ADAMTS3: variants seen among roughly 807,000 people sequenced by gnomAD.
The protein encoded by ADAMTS3 is A disintegrin and metalloproteinase with thrombospondin motifs 3.
Under a neutral mutation model 129.0 loss-of-function variants are expected in ADAMTS3, and 73 were observed. That is an observed-to-expected ratio of 0.57 (90% CI 0.47 to 0.69). The LOEUF is 0.69. ADAMTS3 is among the 30% of genes least tolerant of loss of function. The probability of loss-of-function intolerance (pLI) is 0.00; values close to 1 mark genes in which losing one functional copy is unlikely to be tolerated. For synonymous variants in ADAMTS3, 477 were observed against 510.8 expected, an observed-to-expected ratio of 0.93 and a Z score of 0.89; for missense variants, 1,457 against 1,514.5, an observed-to-expected ratio of 0.96 and a Z score of 0.63.
intron 3 of ADAMTS3, among the ~76,000 whole-genome samples, chr4:72,428,910 A>G (rs1221077841): frequency 1.3e-5 from 2 of 152,058 alleles, no homozygotes; most frequent in African/African-American, 4.8e-5. Context: ...TAAATAATTT[A>G]AAAGATGATT....
intron 3 of ADAMTS3, among the ~76,000 whole-genome samples, chr4:72,438,521 ATC>A (rs1718029708): frequency 6.6e-6 from 1 of 151,856 alleles, no homozygotes; most frequent in South Asian, 2.1e-4. Flanking sequence ...ATTTTTATAA[ATC>A]TCTTTCTGTC....
intron 4 of ADAMTS3, among the ~76,000 whole-genome samples, chr4:72,394,488 G>A (rs914337349): frequency 6.6e-6 from 1 of 152,138 alleles, no homozygotes; most frequent in South Asian, 2.1e-4. Flanking sequence ...TGTCTCTTGC[G>A]TGAATTCTGA....
At chr4:72,429,361 C>T (rs1722643009) in intron 3 of ADAMTS3, among the ~76,000 whole-genome samples, 1 of 151,950 alleles carries the variant, frequency 6.6e-6, no homozygotes, top group South Asian at 2.1e-4. Flanking sequence ...GGTGTCTTAA[C>T]AGATATTTTA....
At position 72,283,391 on chromosome 4, in the gene ADAMTS3, G is replaced by A; in HGVS notation, c.3363C>T (p.Asn1121=). ...GTAAATTAGCACCATCAGGTTTACT[G>A]TTTGGCCTGAAAGCAGCATATGCAT... The part of the protein sequence containing the change: ...GPNAYAAFRP[N]SKPDGANLRQ... The change falls in exon 22 of 22, where the codon AAC becomes AAT. Residue 1121 remains asparagine, a synonymous_variant. Transcript: ENST00000286657. The A allele has an allele frequency of 6.2e-7, 1 of 1,613,794 alleles. No individual in the cohort carries two copies. Among genetic ancestry groups the A allele is most frequent in the South Asian group, 1.1e-5 (1 of 91,072 alleles).
chr4:72,518,239 G>T (rs904102626), intron 3 of ADAMTS3, among the ~76,000 whole-genome samples: 1 of 152,196 alleles, frequency 6.6e-6, no homozygotes, highest in Non-Finnish European at 1.5e-5. Flanking sequence ...CATTTGCTGA[G>T]GAGACCTTTA....
intron 3 of ADAMTS3, among the ~76,000 whole-genome samples, chr4:72,527,430 G>A (rs1456094611): frequency 6.6e-6 from 1 of 152,070 alleles, no homozygotes; most frequent in African/African-American, 2.4e-5. Context: ...TAACCTCATG[G>A]GGCAAATACT....
intron 3 of ADAMTS3, among the ~76,000 whole-genome samples, chr4:72,449,787 G>T (rs147495915): frequency 6.6e-6 from 1 of 151,658 alleles, no homozygotes; most frequent in African/African-American, 2.4e-5. Context: ...CCACTCCATT[G>T]CTCACTCACT....
At chr4:72,512,406 C>T (rs570796942) in intron 3 of ADAMTS3, among the ~76,000 whole-genome samples, 8 of 152,154 alleles carry the variant, frequency 5.3e-5, no homozygotes, top group Admixed American at 6.5e-5. Flanking sequence ...GCAGAAGAAT[C>T]GCTTGAACCC....
At chr4:72,523,572 A>G (rs2109746294) in intron 3 of ADAMTS3, among the ~76,000 whole-genome samples, 1 of 152,242 alleles carries the variant, frequency 6.6e-6, no homozygotes, top group Admixed American at 6.5e-5. Context: ...CATTTTAATT[A>G]AGATTAAAAA....
intron 3 of ADAMTS3, among the ~76,000 whole-genome samples, chr4:72,541,151 C>T (rs1721313631): frequency 6.6e-6 from 1 of 152,172 alleles, no homozygotes; most frequent in Admixed American, 6.5e-5. Context: ...CTGCCCAAGA[C>T]CATGGGAACC....
chr4:72,476,388 A>C (rs1414932123), intron 3 of ADAMTS3, among the ~76,000 whole-genome samples: 1 of 152,118 alleles, frequency 6.6e-6, no homozygotes, highest in Non-Finnish European at 1.5e-5. Context: ...CTACTTCCCC[A>C]AAAAACATAA....
At chr4:72,502,023 CT>C (rs746273217) in intron 3 of ADAMTS3, among the ~76,000 whole-genome samples, 1 of 151,954 alleles carries the variant, frequency 6.6e-6, no homozygotes, top group South Asian at 2.1e-4. Context: ...CTAGTATTTC[CT>C]TTTCAAGATT....
intron 3 of ADAMTS3, among the ~76,000 whole-genome samples, chr4:72,493,603 T>C (rs1206440985): frequency 6.6e-6 from 1 of 152,092 alleles, no homozygotes; most frequent in Non-Finnish European, 1.5e-5. Context: ...TATGTGTTAA[T>C]ATTAAAAGTA....
intron 2 of ADAMTS3, among the ~76,000 whole-genome samples, chr4:72,556,498 T>A (rs1300652237): frequency 6.6e-6 from 1 of 151,754 alleles, no homozygotes; most frequent in Non-Finnish European, 1.5e-5. Context: ...ATCTCTTATA[T>A]GTCACACAAA....
intron 5 of ADAMTS3, among the ~76,000 whole-genome samples, chr4:72,331,894 C>A (rs1464960035): frequency 1.3e-5 from 2 of 152,146 alleles, no homozygotes; most frequent in Admixed American, 1.3e-4. Context: ...GCAACTGAAT[C>A]CCTTGAAGAT....
rs1296904695 is a variant in ADAMTS3, at chr4:72,569,067, G to A, written c.-305C>T. 2.0e-5 allele frequency: 9 copies of A among 445,284 alleles called. No individual in the cohort carries two copies. In the East Asian group the frequency reaches 3.6e-4, roughly 18 times the overall value. The allele number at this position is 445,284 out of a possible 1,614,324, so 27.6% of individuals were successfully genotyped here. A position where few individuals can be genotyped will look rare whatever the true frequency, so the allele number is the denominator to read the frequency against. On this transcript the variant is annotated 5_prime_UTR_variant, in exon 1 of 22. Transcript: ENST00000286657. ...GCCTGGGAGAGGGGGAAGGGACGAG[G>A]GGCTTTCCAACTATCTCTGCCCAAA... is the stretch of plus-strand genomic sequence containing the variant.
chr4:72,325,547 T>C (rs762020797), intron 5 of ADAMTS3, among the ~76,000 whole-genome samples: 8 of 152,166 alleles, frequency 5.3e-5, no homozygotes, highest in Non-Finnish European at 1.0e-4. Flanking sequence ...AGTTATAACA[T>C]GTATTTAGTT....
At chr4:72,293,424 G>C (rs1404564095) in intron 19 of ADAMTS3, among the ~76,000 whole-genome samples, 1 of 152,046 alleles carries the variant, frequency 6.6e-6, no homozygotes, top group Non-Finnish European at 1.5e-5. Flanking sequence ...AAGAGAGAAA[G>C]AAACCACAGT....
chr4:72,283,087 G>C lies in ADAMTS3; in HGVS notation c.*49C>G. 1 of 1,472,504 alleles carries C rather than the reference G, an allele frequency of 6.8e-7. No individual in the cohort carries two copies. Among genetic ancestry groups the C allele is most frequent in the Admixed American group, 2.0e-5 (1 of 50,982 alleles). The allele number at this position is 1,472,504 out of a possible 1,614,324, so 91.2% of individuals were successfully genotyped here. A position where few individuals can be genotyped will look rare whatever the true frequency, so the allele number is the denominator to read the frequency against. ...CAAGCATATGCACCATGGGAAGAGA[G>C]AGGTTGTCCAGGTTTTCCTCTGGTT... is the stretch of plus-strand genomic sequence containing the variant. On this transcript the variant is annotated 3_prime_UTR_variant, in exon 22 of 22. Coordinates refer to ENST00000286657, the MANE Select transcript of ADAMTS3 (RefSeq NM_014243.3).
Sources: allele counts gnomAD v4.1 joint callset (sites outside exome capture counted in the v4.1 genomes callset), GRCh38; gene constraint gnomAD v4.1.1; transcripts MANE v1.5; gene names NCBI Gene and HGNC (gene_info 2026-07-23, HGNC 2026-07-21).